Variants in SLC14A2 observed in about 807,000 individuals in gnomAD.
The protein encoded by SLC14A2 is urea transporter 2.
In SLC14A2, 91 loss-of-function variants were observed where a neutral mutation model predicts 104.6. The ratio of observed to expected loss-of-function variants is 0.87; its 90% CI spans 0.73 to 1.04. SLC14A2 has a LOEUF of 1.04. Among genes scored for constraint, SLC14A2 ranks in the 50% least tolerant of loss-of-function variants. The pLI, the probability that SLC14A2 is intolerant of heterozygous loss-of-function variation, is 0.00. For missense variants in SLC14A2, 1,189 were observed against 1,156.0 expected (o/e 1.03, Z -0.41); for synonymous variants, 476 against 466.4 (o/e 1.02, Z -0.27).
At chr18:45,230,309 G>C (rs2084161945) in intron 1 of SLC14A2, among the ~76,000 whole-genome samples, 1 of 152,238 alleles carries the variant, frequency 6.6e-6, no homozygotes, top group African/African-American at 2.4e-5. Flanking sequence ...CATGGGCCTT[G>C]CATGGGCTAA....
chr18:45,517,380 C>G (rs904489068), intron 2 of SLC14A2, among the ~76,000 whole-genome samples: 1 of 152,154 alleles, frequency 6.6e-6, no homozygotes, highest in South Asian at 2.1e-4. Context: ...CCTCAGCCTC[C>G]CCCCTCCCAA....
chr18:45,221,527 A>G (rs1198080814), intron 1 of SLC14A2, among the ~76,000 whole-genome samples: 3 of 152,108 alleles, frequency 2.0e-5, no homozygotes, highest in African/African-American at 4.8e-5. Context: ...TGTAATCAAA[A>G]TAGCAGCCCT....
intron 1 of SLC14A2, among the ~76,000 whole-genome samples, chr18:45,363,035 GC>G (rs1198835298): frequency 6.6e-6 from 1 of 152,040 alleles, no homozygotes; most frequent in Non-Finnish European, 1.5e-5. Flanking sequence ...ATTCCTGTCT[GC>G]CCCTGCCTGC....
intron 10 of SLC14A2, among the ~76,000 whole-genome samples, chr18:45,645,221 T>C (rs1210562788): frequency 6.6e-6 from 1 of 152,232 alleles, no homozygotes; most frequent in Admixed American, 6.5e-5. Context: ...CTGCATAGTA[T>C]TCCATGGTGT....
intron 2 of SLC14A2, among the ~76,000 whole-genome samples, chr18:45,588,973 G>T (rs2044609062): frequency 3.1e-5 from 1 of 32,194 alleles, no homozygotes; most frequent in Non-Finnish European, 8.1e-5. Context: ...GGGTTGGTGG[G>T]TGGGGGGGGG....
intron 2 of SLC14A2, among the ~76,000 whole-genome samples, chr18:45,581,945 T>A (rs1383484025): frequency 1.3e-5 from 2 of 152,198 alleles, no homozygotes; most frequent in East Asian, 3.9e-4. Flanking sequence ...TCTGTTGCTA[T>A]ACCAGAATAC....
At chr18:45,207,741 G>A in the SLC14A2 span, among the ~76,000 whole-genome samples, 8 of 152,234 alleles carry the variant, frequency 5.3e-5, no homozygotes, top group Admixed American at 3.9e-4. Context: ...GGGGAATCAC[G>A]TTTCACGATA....
intron 1 of SLC14A2, among the ~76,000 whole-genome samples, chr18:45,368,775 T>A (rs573454215): frequency 5.8e-4 from 88 of 152,214 alleles, no homozygotes; most frequent in Non-Finnish European, 1.1e-3. Flanking sequence ...CTTAACTGTT[T>A]GCTTCTCTCC....
chr18:45,537,742 C>A (rs2043817665), intron 2 of SLC14A2, among the ~76,000 whole-genome samples: 1 of 152,152 alleles, frequency 6.6e-6, no homozygotes, highest in African/African-American at 2.4e-5. Flanking sequence ...AAGCAAGAAG[C>A]AGATGGAAGC....
At chr18:45,254,604 A>G (rs1282727488) in intron 1 of SLC14A2, among the ~76,000 whole-genome samples, 3 of 151,910 alleles carry the variant, frequency 2.0e-5, no homozygotes, top group Admixed American at 6.6e-5. Context: ...AGCTGACTGG[A>G]TTTTGCTTTT....
chr18:45,493,995 C>T (rs1411436418), intron 2 of SLC14A2, among the ~76,000 whole-genome samples: 3 of 152,146 alleles, frequency 2.0e-5, no homozygotes, highest in South Asian at 2.1e-4. Flanking sequence ...ATCATGTCTG[C>T]AAAGAGGAAA....
rs66828313 is a variant in SLC14A2 at position 45,566,515 on chromosome 18, GCACACACA to G, written c.-34-58091_-34-58084del. 7.1e-3 allele frequency among the ~76,000 whole-genome samples: 1,063 copies of G among 150,040 alleles called. 5 individuals carry two copies. The highest frequency in any genetic ancestry group is 0.017 in the Middle Eastern group (5 of 294). On this transcript the variant is annotated intron_variant, in intron 2 of 20. Coordinates refer to the SLC14A2 transcript ENST00000586448. ...CATGCATGTACATGCGCTCACGCTC[GCACACACA>G]CACACACACACACACACACACACAG...
intron 1 of SLC14A2, among the ~76,000 whole-genome samples, chr18:45,472,950 C>T (rs2087280027): frequency 6.6e-6 from 1 of 152,108 alleles, no homozygotes; most frequent in Non-Finnish European, 1.5e-5. Flanking sequence ...AAGTCTTTGC[C>T]CATGCCTATG....
At chr18:45,359,562 G>A (rs973052735) in intron 1 of SLC14A2, among the ~76,000 whole-genome samples, 1 of 152,184 alleles carries the variant, frequency 6.6e-6, no homozygotes. Flanking sequence ...CGCCTAAAGG[G>A]AGGTCATGAA....
intron 2 of SLC14A2, among the ~76,000 whole-genome samples, chr18:45,488,865 G>T (rs187616806): frequency 6.6e-6 from 1 of 152,138 alleles, no homozygotes; most frequent in Admixed American, 6.5e-5. Context: ...TCACTCCCTC[G>T]GGTCAGTGGT....
intron 10 of SLC14A2, among the ~76,000 whole-genome samples, chr18:45,656,058 T>C (rs1051225257): frequency 1.3e-5 from 2 of 152,262 alleles, no homozygotes; most frequent in African/African-American, 4.8e-5. Flanking sequence ...GAATTGCTAA[T>C]TCCAAATAGT....
In SLC14A2 at chr18:45,593,464, G is replaced by A. The variant is rs532277043; in HGVS notation, c.-34-31167G>A. On this transcript the variant is annotated intron_variant, in intron 2 of 20. Coordinates refer to the SLC14A2 transcript ENST00000586448. Reference sequence around the variant, plus strand: ...TCCCAAGAATGACATTCTGAGATATGATAACTAAGCATTTCCTTAATCTTT... The same window carrying A: ...TCCCAAGAATGACATTCTGAGATATAATAACTAAGCATTTCCTTAATCTTT... Among the ~76,000 whole-genome samples, 16 of 148,612 alleles carry A rather than the reference G, an allele frequency of 1.1e-4. No homozygotes were observed. The South Asian group carries it at 3.4e-3, about 32-fold the overall frequency.
chr18:45,502,704 G>A (rs755870237), intron 2 of SLC14A2, among the ~76,000 whole-genome samples: 10 of 152,186 alleles, frequency 6.6e-5, no homozygotes, highest in South Asian at 2.1e-4. Context: ...CTGTGACAGC[G>A]CATCTAGTCA....
the SLC14A2 span, among the ~76,000 whole-genome samples, chr18:45,207,836 A>G: frequency 9.8e-5 from 15 of 152,334 alleles, no homozygotes; most frequent in African/African-American, 3.1e-4. Flanking sequence ...TGTTTTCTTA[A>G]TAATAACTAA....
Sources: allele counts gnomAD v4.1 joint callset (sites outside exome capture counted in the v4.1 genomes callset), GRCh38; gene constraint gnomAD v4.1.1; transcripts MANE v1.5; gene names NCBI Gene and HGNC (gene_info 2026-07-23, HGNC 2026-07-21).